The following ITIH6 variants were observed in gnomAD, a reference collection of about 807,000 sequenced individuals.
The protein encoded by ITIH6 is inter-alpha-trypsin inhibitor heavy chain family member 6.
ITIH6 carries 60 observed loss-of-function variants against 58.2 expected under a neutral mutation model. That is an observed-to-expected ratio of 1.03 (90% CI 0.84 to 1.28). The LOEUF (loss-of-function observed/expected upper bound fraction) is 1.28, where lower values mean the gene tolerates loss of function less well. Ranked by LOEUF, ITIH6 falls within the 50% of genes most tolerant of loss-of-function variation. ITIH6 has a pLI of 0.00. For synonymous variants in ITIH6, 493 were observed against 417.4 expected (o/e 1.18, Z -2.21); for missense variants, 1,290 against 1,021.1 (o/e 1.26, Z -3.59).
At chrX:54,787,248 C>T (rs1292836910) in intron 5 of ITIH6, 2 of 112,493 alleles carry the variant, frequency 1.8e-5, no homozygotes, top group Non-Finnish European at 3.8e-5. Flanking sequence ...CTGAGCCACA[C>T]CTCTGTGCCT....
rs768624684 is a variant in ITIH6, at chrX:54,785,677, CCT to C, written c.786+2801_786+2802del. 3.5e-4 allele frequency among the ~76,000 whole-genome samples: 39 copies of C among 111,677 alleles called. 1 individual carries two copies. Among genetic ancestry groups the C allele is most frequent in the Admixed American group, 3.4e-3 (36 of 10,569 alleles). ...GTGAACTCTCCTTATTCTCCTACCGCCTCTGTCTGCCCACTCCCTTCGCAGTG... is the reference window on the plus strand; with the variant it reads ...GTGAACTCTCCTTATTCTCCTACCGCCTGTCTGCCCACTCCCTTCGCAGTG... On this transcript the variant is annotated intron_variant, in intron 5 of 12. Coordinates refer to ENST00000218436, the MANE Select transcript of ITIH6 (RefSeq NM_198510.3).
Position 54,758,623 on chromosome X carries a change from C to A in ITIH6, c.1451G>T (p.Gly484Val), listed in dbSNP as rs1264383758. 1.6e-5 allele frequency: 19 copies of A among 1,209,953 alleles called. No homozygotes were observed. Among genetic ancestry groups the A allele is most frequent in the Admixed American group, 4.4e-5 (2 of 45,793 alleles). Reference sequence around the variant, plus strand: ...GGCCCAAGGGGAGGCCCCAACCAAGCCACCCAGGTAGTTCAGACGCACATC... The same window carrying A: ...GGCCCAAGGGGAGGCCCCAACCAAGACACCCAGGTAGTTCAGACGCACATC... The part of the protein sequence containing the change: ...LADVRLNYLG[G>V]LVGASPWAVF... Residue 484 changes from glycine (G) to valine (V), a missense_variant, in exon 8 of 13, where the codon GGC becomes GTC. Transcript: ENST00000218436.
intron 2 of ITIH6, among the ~76,000 whole-genome samples, chrX:54,792,923 T>C (rs1157504515): frequency 1.8e-5 from 2 of 111,156 alleles, no homozygotes; most frequent in Non-Finnish European, 1.9e-5. Flanking sequence ...AACCTCTAAA[T>C]CTTTGGAACA....
In ITIH6 at chrX:54,757,054, T is replaced by C. The variant is rs765099580; in HGVS notation, c.3020A>G (p.Glu1007Gly). 8.3e-7 allele frequency: 1 copy of C among 1,211,190 alleles called. No individual in the cohort carries two copies. The highest frequency in any genetic ancestry group is 3.0e-5 in the East Asian group (1 of 33,866). Reference protein sequence around the residue: ...ISLLLLPEELELLSESMVESK... With the variant: ...ISLLLLPEELGLLSESMVESK... The stretch of plus-strand genomic sequence containing the variant: ...TTCCACCATTGATTCAGACAGCAGC[T>C]CTAGCTCCTCAGGGAGAAGGAGCAG... The change falls in exon 8 of 13, where the codon GAG (glutamate) becomes GGG (glycine). Residue 1007 changes from glutamate to glycine, a missense_variant. Coordinates refer to ENST00000218436, the MANE Select transcript of ITIH6 (RefSeq NM_198510.3).
rs752502026 is a variant in ITIH6 at position 54,758,926 on chromosome X, C to T, written c.1148G>A (p.Gly383Asp). 3 of 1,203,649 alleles carry T rather than the reference C, an allele frequency of 2.5e-6. No homozygotes were observed. The highest frequency in any genetic ancestry group is 3.4e-6 in the Non-Finnish European group (3 of 891,882). ...LNHSNQEPGR[G>D]PSVGRIPLII... ...AAGAGGGATCCTCCCCACACTGGGG[C>T]CCCTCCCAGGCTCCTGGTTGCTATG... The change falls in exon 8 of 13, where the codon GGC becomes GAC. Residue 383 changes from glycine (G) to aspartate (D), a missense_variant. Physicochemically the swap from Gly to Asp is moderately conservative, Grantham distance 94. Transcript: ENST00000218436.
chrX:54,784,721 G>C (rs1220461603), intron 5 of ITIH6, among the ~76,000 whole-genome samples: 1 of 111,547 alleles, frequency 9.0e-6, no homozygotes, highest in African/African-American at 3.3e-5. Context: ...TGGAGAAAAG[G>C]GACCCCCATA....
rs1263813713 is a variant in ITIH6, at chrX:54,754,015, C to T, written c.3203-50G>A. 8.7e-6 allele frequency: 10 copies of T among 1,149,582 alleles called. 1 individual carries two copies. The South Asian group carries it at 1.9e-4, about 21-fold the overall frequency. The allele number at this position is 1,149,582 out of a possible 1,213,427, so 94.7% of individuals were successfully genotyped here. ...TGGGAAGGGACTAATGTATCACATT[C>T]CTAGGAATTCTGGGACATACTCCCA... On this transcript the variant is annotated intron_variant, in intron 9 of 12. Coordinates refer to ENST00000218436, the MANE Select transcript of ITIH6 (RefSeq NM_198510.3).
At position 54,755,078 on chromosome X, in the gene ITIH6, C is replaced by A; in HGVS notation, c.3141G>T (p.Glu1047Asp). Residue 1047 changes from glutamate (E) to aspartate (D), a missense_variant, in exon 9 of 13, where the codon GAG becomes GAT. Transcript: ENST00000218436. ...GSPNWDGNSE[E>D]ILGGAGGSME... ...TGCTGCCTCCAGCTCCTCCCAGGAT[C>A]TCCTCAGAATTGCCATCCCAGTTTG... is the stretch of plus-strand genomic sequence containing the variant. 8.3e-7 allele frequency: 1 copy of A among 1,210,792 alleles called. No individual in the cohort carries two copies. The highest frequency in any genetic ancestry group is 1.1e-6 in the Non-Finnish European group (1 of 894,703).
Position 54,796,871 on chromosome X carries a change from A to G in ITIH6, c.257+71T>C, listed in dbSNP as rs1929452047. 6 of 1,052,939 alleles carry G rather than the reference A, an allele frequency of 5.7e-6. No individual in the cohort carries two copies. The East Asian group carries it at 1.8e-4, about 32-fold the overall frequency. The allele number at this position is 1,052,939 out of a possible 1,213,427, so 86.8% of individuals were successfully genotyped here. A position where few individuals can be genotyped will look rare whatever the true frequency, so the allele number is the denominator to read the frequency against. ...TTGTCTTAATCACTATGCTCTGCTGACAGAATAAGCACAAGAACGAACAAA... is the reference window on the plus strand; with the variant it reads ...TTGTCTTAATCACTATGCTCTGCTGGCAGAATAAGCACAAGAACGAACAAA... On this transcript the variant is annotated intron_variant, in intron 2 of 12. Transcript: ENST00000218436.
chrX:54,794,087 G>A (rs1362709079), intron 2 of ITIH6, among the ~76,000 whole-genome samples: 1 of 111,081 alleles, frequency 9.0e-6, no homozygotes, highest in African/African-American at 3.3e-5. Context: ...GGTGGCAGAA[G>A]AGACCACTCA....
chrX:54,759,528 G>A (rs151166961), intron 7 of ITIH6, among the ~76,000 whole-genome samples: 1,302 of 112,235 alleles, frequency 0.012, 4 homozygotes, highest in Non-Finnish European at 0.02. Flanking sequence ...GGAAACTGAG[G>A]CCAAAAAGAA....
chrX:54,750,811 G>T lies in ITIH6; in HGVS notation c.3730+192C>A, dbSNP rs1009266264. Among the ~76,000 whole-genome samples the T allele has an allele frequency of 3.8e-4, 42 of 111,903 alleles. No homozygotes were observed. The Admixed American group carries it at 4.0e-3, about 11-fold the overall frequency. On this transcript the variant is annotated intron_variant, in intron 12 of 12. Coordinates refer to ENST00000218436, the MANE Select transcript of ITIH6 (RefSeq NM_198510.3). ...TCTCTAGCTCCCTGGGCAGCTTTCT[G>T]TCCAGCAATGATCCCCTCCTGTGTT...
Position 54,758,569 on chromosome X carries a change from T to C in ITIH6, c.1505A>G (p.Glu502Gly), listed in dbSNP as rs751969129. The C allele has an allele frequency of 1.7e-6, 2 of 1,208,811 alleles. No homozygotes were observed. The highest frequency in any genetic ancestry group is 2.2e-6 in the Non-Finnish European group (2 of 894,787). The stretch of plus-strand genomic sequence containing the variant: ...CTGCACCTGTCCTGCCACCACCAGC[T>C]CAGAGCCACCAAAGTAGTTGGGGAA... ...AVFPNYFGGS[E>G]LVVAGQVQPG... The change falls in exon 8 of 13, where the codon GAG (glutamate) becomes GGG (glycine). Residue 502 changes from glutamate (E) to glycine (G), a missense_variant. By Grantham distance (98) the Glu-to-Gly change is moderately conservative. Transcript: ENST00000218436.
chrX:54,769,148 C>A (rs1412483517), intron 6 of ITIH6, among the ~76,000 whole-genome samples: 1 of 89,738 alleles, frequency 1.1e-5, no homozygotes, highest in Admixed American at 1.3e-4. Flanking sequence ...ATTGCTGATA[C>A]CCTTTCTTCC....
chrX:54,758,643 C>T lies in ITIH6; in HGVS notation c.1431G>A (p.Val477=), dbSNP rs1408969917. 2 of 1,211,690 alleles carry T rather than the reference C, an allele frequency of 1.7e-6. No homozygotes were observed. The highest frequency in any genetic ancestry group is 3.0e-5 in the East Asian group (1 of 33,790). The part of the protein sequence containing the change: ...EEISMPLLAD[V]RLNYLGGLVG... ...CCAAGCCACCCAGGTAGTTCAGACG[C>T]ACATCTGCCAGCAGAGGCATGGAGA... The change falls in exon 8 of 13, where the codon GTG becomes GTA. Residue 477 remains valine (V), a synonymous_variant. Coordinates refer to ENST00000218436, the MANE Select transcript of ITIH6 (RefSeq NM_198510.3).
At chrX:54,751,951 G>C (rs1402582040) in intron 11 of ITIH6, among the ~76,000 whole-genome samples, 2 of 111,499 alleles carry the variant, frequency 1.8e-5, no homozygotes, top group Non-Finnish European at 3.8e-5. Flanking sequence ...CTGCCTGTAT[G>C]TGTTGAATAC....
rs979344761 is a variant in ITIH6, at chrX:54,753,661, G to T, written c.3342C>A (p.Asp1114Glu). The change falls in exon 11 of 13, where the codon GAC becomes GAA. Residue 1114 changes from aspartate (D) to glutamate (E), a missense_variant. Asp to Glu is a conservative substitution (Grantham distance 45). Coordinates refer to ENST00000218436, the MANE Select transcript of ITIH6 (RefSeq NM_198510.3). Reference protein sequence around the residue: ...HPGDLLQLIEDPKAGLHVSGK... With the variant: ...HPGDLLQLIEEPKAGLHVSGK... ...TCTTGGGGCTCTTACCTGCCTTTGGGTCCTCTATGAGCTGCAGCAAGTCCC... is the reference window on the plus strand; with the variant it reads ...TCTTGGGGCTCTTACCTGCCTTTGGTTCCTCTATGAGCTGCAGCAAGTCCC... 1.7e-6 allele frequency: 2 copies of T among 1,202,721 alleles called. No individual in the cohort carries two copies. Among genetic ancestry groups the T allele is most frequent in the Non-Finnish European group, 2.2e-6 (2 of 889,226 alleles).
intron 1 of ITIH6, among the ~76,000 whole-genome samples, chrX:54,797,796 T>C (rs745422428): frequency 1.8e-5 from 2 of 111,485 alleles, no homozygotes; most frequent in East Asian, 5.6e-4. Flanking sequence ...GAAATGAGGA[T>C]GATTTGAGAT....
chrX:54,783,491 G>A (rs762838296), intron 5 of ITIH6, among the ~76,000 whole-genome samples: 2 of 112,225 alleles, frequency 1.8e-5, no homozygotes, highest in Non-Finnish European at 3.8e-5. Context: ...CAGGAAAGTT[G>A]CAGGATACAA....
Sources: gnomAD v4.1 joint callset for allele counts (sites outside exome capture counted in the v4.1 genomes callset) on GRCh38, gnomAD v4.1.1 for gene constraint, MANE v1.5 for transcripts, NCBI Gene and HGNC (gene_info 2026-07-23, HGNC 2026-07-21) for gene names.